The following LRRK1 variants were observed in gnomAD, a reference collection of about 807,000 sequenced individuals.
The protein encoded by LRRK1 is leucine-rich repeat serine/threonine-protein kinase 1.
A neutral mutation model predicts 209.1 loss-of-function variants in LRRK1; 113 were observed. That is an observed-to-expected ratio of 0.54 (90% CI 0.46 to 0.63). The LOEUF (loss-of-function observed/expected upper bound fraction) is 0.63, where lower values mean the gene tolerates loss of function less well. LRRK1 is among the 30% of genes least tolerant of loss of function. LRRK1 has a pLI of 0.00. For synonymous variants in LRRK1, 1,144 were observed against 1,099.7 expected, an observed-to-expected ratio of 1.04 and a Z score of -0.80; for missense variants, 2,284 against 2,632.2, an observed-to-expected ratio of 0.87 and a Z score of 2.89.
intron 6 of LRRK1, among the ~76,000 whole-genome samples, chr15:100,991,788 T>C (rs1314963869): frequency 2.0e-5 from 3 of 152,216 alleles, no homozygotes; most frequent in Admixed American, 2.0e-4. Context: ...ATCTTGTTCC[T>C]GATTTTAAAT....
chr15:100,987,736 G>A (rs185511101), intron 4 of LRRK1, among the ~76,000 whole-genome samples: 5 of 152,208 alleles, frequency 3.3e-5, no homozygotes, highest in Middle Eastern at 3.4e-3. Context: ...TTATTATTCC[G>A]ATTTTACCAA....
At chr15:100,970,045 C>T (rs775161504) in intron 2 of LRRK1, among the ~76,000 whole-genome samples, 5 of 152,114 alleles carry the variant, frequency 3.3e-5, no homozygotes, top group Admixed American at 6.5e-5. Context: ...CCCACCACCA[C>T]GCTGGGCTAA....
chr15:101,027,342 G>T lies in LRRK1; in HGVS notation c.2487G>T (p.Val829=), dbSNP rs41319544. 3.7e-6 allele frequency: 6 copies of T among 1,613,834 alleles called. No individual in the cohort carries two copies. In the African/African-American group the frequency reaches 4.0e-5, roughly 11 times the overall value. The change falls in exon 18 of 34, where the codon GTG becomes GTT. Residue 829 remains valine (V), a synonymous_variant. Transcript: ENST00000388948. This position sits in a 1 kb window ranked among gnomAD's most constrained non-coding sequence, Gnocchi z 5.1. ...ACGTCACGTGCAGCATGAAGGACGT[G>T]GGCAGCACCATCGGCTGCCAGCGAC... is the stretch of plus-strand genomic sequence containing the variant. ...IFHVTCSMKD[V]GSTIGCQRLA...
At chr15:100,963,967 G>A (rs946643574) in intron 2 of LRRK1, among the ~76,000 whole-genome samples, 2 of 152,158 alleles carry the variant, frequency 1.3e-5, no homozygotes, top group African/African-American at 4.8e-5. Context: ...AGACCAACCT[G>A]TCTATATGTA....
chr15:101,056,592 T>C (rs2035814154), intron 27 of LRRK1, among the ~76,000 whole-genome samples: 1 of 151,816 alleles, frequency 6.6e-6, no homozygotes, highest in Non-Finnish European at 1.5e-5. Flanking sequence ...AATGGATAAA[T>C]GTACAGGAAG....
chr15:101,014,427 A>C lies in LRRK1; in HGVS notation c.1531A>C (p.Lys511Gln). ...TLDLSRNQLG[K>Q]NEDGLKTKRI... Reference sequence around the variant, plus strand: ...GGATCTCTCCAGAAACCAACTTGGCAAGTAAGCAGGGGCCTCTCCTCCCTG... The same window carrying C: ...GGATCTCTCCAGAAACCAACTTGGCCAGTAAGCAGGGGCCTCTCCTCCCTG... Residue 511 changes from lysine to glutamine, a missense_variant and splice_region_variant, in exon 11 of 34, where the codon AAA becomes CAA. Lys to Gln is a moderately conservative substitution (Grantham distance 53). Transcript: ENST00000388948. 6.2e-7 allele frequency: 1 copy of C among 1,607,808 alleles called. No homozygotes were observed. Among genetic ancestry groups the C allele is most frequent in the South Asian group, 1.1e-5 (1 of 90,922 alleles).
chr15:101,021,551 G>T (rs575674431), intron 13 of LRRK1, among the ~76,000 whole-genome samples: 1 of 152,094 alleles, frequency 6.6e-6, no homozygotes, highest in African/African-American at 2.4e-5. Context: ...TCGCCTTCTC[G>T]GGAAGAGGTA....
intron 2 of LRRK1, among the ~76,000 whole-genome samples, chr15:100,972,934 A>ACACACACACACACC (rs11472046): frequency 1.3e-5 from 2 of 151,526 alleles, no homozygotes; most frequent in East Asian, 1.9e-4. Flanking sequence ...ACACACACAC[A>ACACACACACACACC]CACCCAGTTT....
At chr15:100,966,629 A>G (rs1358867454) in intron 2 of LRRK1, among the ~76,000 whole-genome samples, 3 of 152,230 alleles carry the variant, frequency 2.0e-5, no homozygotes, top group Non-Finnish European at 4.4e-5. Flanking sequence ...ATGCATACGC[A>G]TTAACTGGTG....
intron 2 of LRRK1, among the ~76,000 whole-genome samples, chr15:100,944,278 A>T (rs1479334943): frequency 6.6e-6 from 1 of 152,202 alleles, no homozygotes; most frequent in Non-Finnish European, 1.5e-5. Flanking sequence ...CAGGAAAAAG[A>T]TCTGTGACTG....
chr15:100,959,155 G>T (rs2042822483), intron 2 of LRRK1, among the ~76,000 whole-genome samples: 1 of 152,164 alleles, frequency 6.6e-6, no homozygotes, highest in South Asian at 2.1e-4. Context: ...CTCCTCTTTT[G>T]CTGGGAGAAT....
rs146493380 is a variant in LRRK1, at chr15:101,048,868, C to T, written c.3299+211C>T. ...CCCCTGCTGAGCCCCCCTTGCAGGA[C>T]GGGAAAGGCAAAGGCAGATGTGGCG... On this transcript the variant is annotated intron_variant, in intron 22 of 33. Coordinates refer to ENST00000388948, the MANE Select transcript of LRRK1 (RefSeq NM_024652.6). Among the ~76,000 whole-genome samples, 733 of 152,298 alleles carry T rather than the reference C, an allele frequency of 4.8e-3. 5 individuals carry two copies. Among genetic ancestry groups the T allele is most frequent in the African/African-American group, 0.017 (702 of 41,562 alleles).
chr15:101,062,726 G>C lies in LRRK1; in HGVS notation c.4914+36G>C, dbSNP rs1385116498. ...GGCAAAGGCAGGTATGCAGGTCTCT[G>C]ATGCACTTCCACGCCTAGGAGGCGT... is the stretch of plus-strand genomic sequence containing the variant. On this transcript the variant is annotated intron_variant, in intron 31 of 33. Coordinates refer to ENST00000388948, the MANE Select transcript of LRRK1 (RefSeq NM_024652.6). The C allele has an allele frequency of 2.0e-6, 3 of 1,470,998 alleles. No individual in the cohort carries two copies. The Admixed American group carries it at 5.0e-5, about 25-fold the overall frequency. The allele number at this position is 1,470,998 out of a possible 1,614,324, so 91.1% of individuals were successfully genotyped here.
intron 1 of LRRK1, chr15:100,920,277 GCTTT>G (rs1567179051): frequency 6.6e-6 from 1 of 152,228 alleles, no homozygotes; most frequent in Non-Finnish European, 1.5e-5. Context: ...GGGGCATATA[GCTTT>G]CAGCAAACCT....
Position 101,051,775 on chromosome 15 carries a change from C to T in LRRK1, c.3504C>T (p.Cys1168=), listed in dbSNP as rs1251533189. 8.1e-6 allele frequency: 13 copies of T among 1,613,906 alleles called. No individual in the cohort carries two copies. The highest frequency in any genetic ancestry group is 2.7e-5 in the African/African-American group (2 of 74,924). Residue 1168 remains cysteine, a synonymous_variant, in exon 24 of 34, where the codon TGC becomes TGT. Transcript: ENST00000388948. ...LMEQYVPCPV[C]ETAWAQHTDP... is the part of the protein sequence containing the mutation. ...AGCAGTACGTGCCCTGCCCGGTCTG[C>T]GAGACAGCCTGGGCCCAGCACACGG...
At chr15:100,986,654 G>A (rs533143157) in intron 4 of LRRK1, among the ~76,000 whole-genome samples, 36 of 152,312 alleles carry the variant, frequency 2.4e-4, no homozygotes, top group African/African-American at 8.7e-4. Context: ...GCACAATGCC[G>A]AAAACCTGGA....
At chr15:101,056,252 CT>C (rs1157164082) in intron 27 of LRRK1, among the ~76,000 whole-genome samples, 1 of 152,142 alleles carries the variant, frequency 6.6e-6, no homozygotes, top group African/African-American at 2.4e-5. Flanking sequence ...GGAGACGCTC[CT>C]TTTTTTATGA....
chr15:100,964,063 T>C (rs2030285982), intron 2 of LRRK1, among the ~76,000 whole-genome samples: 1 of 152,158 alleles, frequency 6.6e-6, no homozygotes, highest in African/African-American at 2.4e-5. Context: ...CCGTGAAGCA[T>C]TTCTGCAGTG....
At chr15:100,943,738 T>A (rs2042487402) in intron 2 of LRRK1, among the ~76,000 whole-genome samples, 1 of 151,076 alleles carries the variant, frequency 6.6e-6, no homozygotes, top group South Asian at 2.1e-4. Context: ...AGTGCGATGG[T>A]GTGATCTCGG....
Sources: gnomAD v4.1 joint callset for allele counts (sites outside exome capture counted in the v4.1 genomes callset) on GRCh38, gnomAD v4.1.1 for gene constraint, Gnocchi (gnomAD v3.1) non-coding constraint, MANE v1.5 for transcripts, NCBI Gene and HGNC (gene_info 2026-07-23, HGNC 2026-07-21) for gene names.